The following LCN8 variants were observed in gnomAD, a reference collection of about 807,000 sequenced individuals.
LCN8 encodes the protein lipocalin 8.
A neutral mutation model predicts 22.8 loss-of-function variants in LCN8; 16 were observed. That is an observed-to-expected ratio of 0.70 (90% CI 0.47 to 1.06). The LOEUF is 1.06. LCN8 is among the 50% of genes least tolerant of loss of function. LCN8 has a pLI of 0.00. For synonymous variants in LCN8, 92 were observed against 83.4 expected, an observed-to-expected ratio of 1.10 and a Z score of -0.56; for missense variants, 189 against 203.3, an observed-to-expected ratio of 0.93 and a Z score of 0.43.
intron 1 of LCN8, chr9:136,757,404 G>A (rs544764971): frequency 7.1e-7 from 1 of 1,417,936 alleles, no homozygotes; most frequent in South Asian, 1.5e-5. Flanking sequence ...CCTCCCCACT[G>A]GGCCATCTAG....
At chr9:136,758,329 G>GT, upstream of LCN8, 1 of 1,105,376 alleles carries the variant, frequency 9.0e-7, no homozygotes, top group Non-Finnish European at 1.1e-6. Flanking sequence ...CATGACACTT[G>GT]TTTTTTTGGG....
chr9:136,754,897 G>A (rs765556491), intron 6 of LCN8: 16 of 1,361,030 alleles, frequency 1.2e-5, no homozygotes, highest in East Asian at 2.7e-5. Context: ...AGCCTCCCAG[G>A]GTCCCTGCCT....
intron 1 of LCN8, 126 bp downstream of exon 1, chr9:136,757,781 A>C: frequency 6.3e-7 from 1 of 1,592,448 alleles, no homozygotes; most frequent in Admixed American, 1.7e-5. Context: ...AAATGCCGCT[A>C]ACAGGAAGTG....
chr9:136,754,590 G>C (rs1372009121), intron 6 of LCN8, 81 bp from the exon 7 acceptor site: 1 of 1,515,304 alleles, frequency 6.6e-7, no homozygotes, highest in Non-Finnish European at 8.8e-7. Flanking sequence ...CACACGGCGG[G>C]ACTTCTGTCC....
At chr9:136,756,451 A>G (rs11145866) in intron 3 of LCN8, 71 bp downstream of exon 3, 55,919 of 1,613,520 alleles carry the variant, frequency 0.035, 1,107 homozygotes, top group Middle Eastern at 0.046. Context: ...AGGGAACAGC[A>G]TGGGGAACAA....
upstream of LCN8, chr9:136,758,377 A>T: frequency 9.8e-6 from 10 of 1,016,750 alleles, no homozygotes; most frequent in Non-Finnish European, 1.2e-5. Flanking sequence ...GTGGGCACTG[A>T]TGGGCAACGG....
At chr9:136,754,788 C>CT in intron 6 of LCN8, 1 of 1,372,102 alleles carries the variant, frequency 7.3e-7, no homozygotes. Flanking sequence ...CCGACGGGAC[C>CT]TTCGGGGGCA....
At chr9:136,754,926 C>A (rs1226434793) in intron 6 of LCN8, 2 of 1,388,848 alleles carry the variant, frequency 1.4e-6, no homozygotes, top group African/African-American at 2.9e-5. Flanking sequence ...AGGGTCACCA[C>A]CCTGGAGGTT....
chr9:136,758,226 T>G lies in LCN8; in HGVS notation c.-296A>C. On this transcript the variant is annotated 5_prime_UTR_variant, in exon 1 of 7. Transcript: ENST00000371688. ...CCTGCCCAGCCACCCTCCTGGCATATGGACAGCGGTGGACGCTGCTGGGGC... is the reference window on the plus strand; with the variant it reads ...CCTGCCCAGCCACCCTCCTGGCATAGGGACAGCGGTGGACGCTGCTGGGGC... 7.6e-7 allele frequency: 1 copy of G among 1,323,756 alleles called. No individual in the cohort carries two copies. Among genetic ancestry groups the G allele is most frequent in the Non-Finnish European group, 9.7e-7 (1 of 1,032,766 alleles). 82.0% of individuals were successfully genotyped at this position (1,323,756 alleles called of 1,614,324 possible). A position where few individuals can be genotyped will look rare whatever the true frequency, so the allele number is the denominator to read the frequency against.
rs1383918593 is a variant in LCN8, at chr9:136,756,200, G to A, written c.226+322C>T. The A allele has an allele frequency of 4.6e-5, 60 of 1,317,922 alleles. 1 individual carries two copies. The highest frequency in any genetic ancestry group is 1.3e-4 in the East Asian group (3 of 22,482). The allele number at this position is 1,317,922 out of a possible 1,614,324, so 81.6% of individuals were successfully genotyped here. On this transcript the variant is annotated intron_variant, in intron 3 of 6. Coordinates refer to ENST00000371688, the MANE Select transcript of LCN8 (RefSeq NM_178469.4). ...TGCAGGGAACAGCATGGGGAACAGC[G>A]CAGGGAACAGCATGGGGAACAGTGC...
In LCN8 at chr9:136,754,483, G is replaced by C. The variant is rs1175293582; in HGVS notation, c.*15C>G. On this transcript the variant is annotated 3_prime_UTR_variant, in exon 7 of 7. Transcript: ENST00000371688. ...GCGGGCGCTCCGAACCTTGTGGTCTGAGGCAGGAACTCCATTAAATCAGCT... is the reference window on the plus strand; with the variant it reads ...GCGGGCGCTCCGAACCTTGTGGTCTCAGGCAGGAACTCCATTAAATCAGCT... 3.9e-5 allele frequency: 61 copies of C among 1,557,506 alleles called. No individual in the cohort carries two copies. The highest frequency in any genetic ancestry group is 5.0e-5 in the Non-Finnish European group (57 of 1,150,274).
intron 6 of LCN8, 117 bp downstream of exon 6, chr9:136,755,018 G>C (rs1847149372): frequency 7.0e-7 from 1 of 1,438,586 alleles, no homozygotes; most frequent in Non-Finnish European, 9.1e-7. Context: ...ACAGGAAGGG[G>C]TGAGAAGGCC....
At chr9:136,756,905 G>A (rs3737215) in intron 2 of LCN8, 133 bp downstream of exon 2, 18 of 1,063,310 alleles carry the variant, frequency 1.7e-5, no homozygotes, top group East Asian at 5.2e-5. Context: ...TCAGGCAGAC[G>A]GGCACCGGGA....
chr9:136,754,796 G>A (rs894925500), intron 6 of LCN8: 97 of 1,375,418 alleles, frequency 7.1e-5, no homozygotes, highest in Non-Finnish European at 8.7e-5. Flanking sequence ...ACCTTCGGGG[G>A]CAGAAGCAGC....
Position 136,754,484 on chromosome 9 carries a change from A to C in LCN8, c.*14T>G. On this transcript the variant is annotated 3_prime_UTR_variant, in exon 7 of 7. Transcript: ENST00000371688. ...CGGGCGCTCCGAACCTTGTGGTCTG[A>C]GGCAGGAACTCCATTAAATCAGCTC... 1 of 1,557,290 alleles carries C rather than the reference A, an allele frequency of 6.4e-7. No homozygotes were observed.
rs774231965 is a variant in LCN8, at chr9:136,755,159, C to T, written c.423G>A (p.Gly141=). ...CCTCCTTCAGGAGCTCGGCACACCGCCCTGCAGGATAGGCCAGCATGAGGA... is the reference window on the plus strand; with the variant it reads ...CCTCCTTCAGGAGCTCGGCACACCGTCCTGCAGGATAGGCCAGCATGAGGA... ...DTGLYLAARP[G]RCAELLKEEL... is the part of the protein sequence containing the mutation. The change falls in exon 6 of 7, where the codon GGG becomes GGA. Residue 141 remains glycine (G), a splice_region_variant and synonymous_variant. Transcript: ENST00000371688. The T allele has an allele frequency of 5.0e-6, 8 of 1,597,884 alleles. No homozygotes were observed. Among genetic ancestry groups the T allele is most frequent in the Middle Eastern group, 1.7e-4 (1 of 5,944 alleles).
At chr9:136,755,743 C>G (rs1169002951) in intron 3 of LCN8, 8 of 1,467,400 alleles carry the variant, frequency 5.5e-6, no homozygotes, top group Non-Finnish European at 7.2e-6. Context: ...TGCAGGGAAC[C>G]CTGCAGGGAA....
In LCN8 at chr9:136,755,525, G is replaced by C. The variant is rs570483128; in HGVS notation, c.227-9C>G. On this transcript the variant is annotated splice_polypyrimidine_tract_variant and intron_variant, in intron 3 of 6. Transcript: ENST00000371688. ...GTGGATCTCTCTGTGGCCTTCAAGA[G>C]CCGGCCATGGCGTTGGGGGAGACGT... 1 of 1,609,200 alleles carries C rather than the reference G, an allele frequency of 6.2e-7. No individual in the cohort carries two copies. The highest frequency in any genetic ancestry group is 1.7e-5 in the Admixed American group (1 of 59,556).
At chr9:136,758,274 A>G, upstream of LCN8, 1 of 1,221,740 alleles carries the variant, frequency 8.2e-7, no homozygotes, top group Non-Finnish European at 1.0e-6. Flanking sequence ...TGAGAGGAAG[A>G]GGAGCTCCAC....
Sources: allele counts gnomAD v4.1 joint callset, GRCh38; gene constraint gnomAD v4.1.1; transcripts MANE v1.5; gene names NCBI Gene and HGNC (gene_info 2026-07-23, HGNC 2026-07-21).